MYL5: variants seen among roughly 807,000 people sequenced by gnomAD.
The protein encoded by MYL5 is myosin regulatory light chain 5.
A neutral mutation model predicts 20.8 loss-of-function variants in MYL5; 28 were observed. The observed-to-expected ratio is 1.35, with a 90% CI of 1.00 to 1.84. The LOEUF is 1.84. MYL5 is among the 40% of genes most tolerant of loss of function. The pLI, the probability that MYL5 is intolerant of heterozygous loss-of-function variation, is 0.00. For synonymous variants in MYL5, 118 were observed against 87.4 expected, an observed-to-expected ratio of 1.35 and a Z score of -1.95; for missense variants, 274 against 227.3, an observed-to-expected ratio of 1.21 and a Z score of -1.32.
intron 1 of MYL5, chr4:678,345 T>C: frequency 1.4e-6 from 2 of 1,415,568 alleles, no homozygotes; most frequent in African/African-American, 2.9e-5. Flanking sequence ...CAGAGTCCAC[T>C]TGCCCCTCAA....
At chr4:680,787 C>T (rs1739390802) in intron 5 of MYL5, 200 bp downstream of exon 7, 8 of 656,078 alleles carry the variant, frequency 1.2e-5, no homozygotes, top group African/African-American at 1.8e-5. Context: ...CGCCTGTGCC[C>T]GGTGGGGGTG....
upstream of MYL5, chr4:674,895 C>T (rs1227030298): frequency 6.5e-6 from 1 of 152,828 alleles, no homozygotes; most frequent in Non-Finnish European, 1.5e-5. Flanking sequence ...GCCCCTCTTC[C>T]TGCGGCTGCT....
At chr4:679,628 C>T (rs1363371616) in intron 3 of MYL5, among the ~76,000 whole-genome samples, 3 of 152,180 alleles carry the variant, frequency 2.0e-5, no homozygotes, top group Admixed American at 6.5e-5. Flanking sequence ...ACCTTCCTCT[C>T]GGCCCTGCTT....
chr4:674,676 G>A (rs575675870), upstream of MYL5: 77 of 244,528 alleles, frequency 3.1e-4, no homozygotes, highest in South Asian at 3.3e-3. Flanking sequence ...GAGCGTCGGA[G>A]GCCTGAGGTC....
At chr4:674,565 C>A, upstream of MYL5, 1 of 441,824 alleles carries the variant, frequency 2.3e-6, no homozygotes, top group South Asian at 2.7e-5. Context: ...GCTGGGGGTC[C>A]GCTGTTTCCC....
At chr4:678,090 TG>T in intron 1 of MYL5, 61 bp downstream of exon 3, 1 of 1,600,678 alleles carries the variant, frequency 6.2e-7, no homozygotes, top group Non-Finnish European at 8.5e-7. Context: ...GCTGTGCATG[TG>T]TACATGCGCA....
intron 3 of MYL5, 42 bp downstream of exon 5, chr4:679,075 C>G (rs375462955): frequency 6.4e-7 from 1 of 1,572,260 alleles, no homozygotes; most frequent in East Asian, 2.2e-5. Flanking sequence ...TTGGAGGAGG[C>G]GAACACAGAG....
rs1265759157 is a variant in MYL5 at position 680,630 on chromosome 4, C to A, written c.371+43C>A. 3.1e-6 allele frequency: 5 copies of A among 1,589,404 alleles called. No individual in the cohort carries two copies. The African/African-American group carries it at 6.7e-5, about 21-fold the overall frequency. The stretch of plus-strand genomic sequence containing the variant: ...CAGGGCGGCCCGGCTTCCGGGGAAC[C>A]CCAGTGATCTCATCCTGTCCCAAAA... On this transcript the variant is annotated intron_variant, in intron 5 of 6. Coordinates refer to ENST00000400159, the Ensembl canonical transcript of MYL5.
chr4:681,269 G>A (rs904102150), intron 6 of MYL5, 129 bp downstream of exon 8: 12 of 1,127,892 alleles, frequency 1.1e-5, no homozygotes, highest in African/African-American at 3.1e-5. Context: ...ACAGGCCCCC[G>A]GGGGGCTCCC....
exon 1 of MYL5, chr4:677,993 C>G (rs200903251): frequency 1.2e-6 from 2 of 1,613,368 alleles, no homozygotes; most frequent in Non-Finnish European, 1.7e-6. Context: ...ACCTGGGGCC[C>G]TGGGCAGACG....
upstream of MYL5, chr4:675,193 G>A (rs568068717): frequency 2.5e-3 from 379 of 152,608 alleles, 1 homozygote; most frequent in Non-Finnish European, 4.1e-3. Context: ...TGGGGCCTGC[G>A]GTGCCTATGC....
intron 3 of MYL5, among the ~76,000 whole-genome samples, chr4:679,332 G>A (rs1739205058): frequency 9.1e-6 from 1 of 109,978 alleles, no homozygotes; most frequent in Non-Finnish European, 1.8e-5. Flanking sequence ...GCCACAGGCA[G>A]GCAGGCGGCT....
At chr4:682,006 G>A (rs772233243) in exon 7 of MYL5, 25 of 1,423,574 alleles carry the variant, frequency 1.8e-5, no homozygotes, top group Admixed American at 2.6e-5. Context: ...ACCCAGCCGG[G>A]TCAATAAACC....
At chr4:681,030 C>T in intron 5 of MYL5, 62 bp from the exon 8 acceptor site, 1 of 1,543,602 alleles carries the variant, frequency 6.5e-7, no homozygotes. Flanking sequence ...GCACCTGAGC[C>T]CCACCGAGAA....
intron 6 of MYL5, 40 bp downstream of exon 8, chr4:681,180 GGCGGGGCTCCCGGGGTCA>G: frequency 6.3e-7 from 1 of 1,586,024 alleles, no homozygotes; most frequent in Non-Finnish European, 8.6e-7. Flanking sequence ...ACGAGGGGAG[GGCGGGGCTCCCGGGGTCA>G]GCTGGGTGGA....
chr4:680,367 C>T (rs1041105075), intron 4 of MYL5, 142 bp from the exon 7 acceptor site: 3 of 887,934 alleles, frequency 3.4e-6, no homozygotes, highest in East Asian at 4.9e-5. Flanking sequence ...AAGGAGAAGG[C>T]CTTCAGGCAG....
At chr4:677,917 T>C, upstream of MYL5, 1 of 1,580,986 alleles carries the variant, frequency 6.3e-7, no homozygotes, top group Non-Finnish European at 8.7e-7. Flanking sequence ...AGCCTGTCCT[T>C]GTAGGGAGTG....
chr4:677,213 A>G (rs957646343), upstream of MYL5, among the ~76,000 whole-genome samples: 2 of 152,026 alleles, frequency 1.3e-5, no homozygotes, highest in African/African-American at 4.8e-5. Context: ...CTCCTCCTTG[A>G]TCCTGCTTGG....
intron 2 of MYL5, 61 bp from the exon 5 acceptor site, chr4:678,884 GAGGAACCGGGAGC>G: frequency 6.2e-7 from 1 of 1,609,638 alleles, no homozygotes; most frequent in Non-Finnish European, 8.5e-7. Context: ...CAGGGGTGCT[GAGGAACCGGGAGC>G]AGGGGGCGGG....
Sources: gnomAD v4.1 joint callset for allele counts (sites outside exome capture counted in the v4.1 genomes callset) on GRCh38, gnomAD v4.1.1 for gene constraint, MANE v1.5 for transcripts, NCBI Gene and HGNC (gene_info 2026-07-23, HGNC 2026-07-21) for gene names.